The following MTFR1 variants were observed in gnomAD, a reference collection of about 807,000 sequenced individuals.
The protein encoded by MTFR1 is chondrocyte protein with a poly-proline region.
In MTFR1, 28 loss-of-function variants were observed where a neutral mutation model predicts 38.8. The ratio of observed to expected loss-of-function variants is 0.72; its 90% CI spans 0.53 to 0.99. MTFR1 has a LOEUF of 0.99. MTFR1 is among the 50% of genes least tolerant of loss of function. The pLI, the probability that MTFR1 is intolerant of heterozygous loss-of-function variation, is 0.00. For missense variants in MTFR1, 358 were observed against 395.5 expected, an observed-to-expected ratio of 0.91 and a Z score of 0.81; for synonymous variants, 145 against 137.0, an observed-to-expected ratio of 1.06 and a Z score of -0.41.
downstream of MTFR1, among the ~76,000 whole-genome samples, chr8:65,713,338 G>A (rs1367627050): frequency 6.6e-6 from 1 of 151,930 alleles, no homozygotes; most frequent in Non-Finnish European, 1.5e-5. Flanking sequence ...CTACTCGGGA[G>A]GCTGAGACAG....
chr8:65,644,630 G>A (rs16932286), upstream of MTFR1: 24,363 of 152,236 alleles, frequency 0.16, 2,016 homozygotes, highest in Middle Eastern at 0.18. Flanking sequence ...CCTCTGCCGA[G>A]CTTCTTGTGC....
At chr8:65,730,480 A>G (rs1371516237) in intron 3 of MTFR1, among the ~76,000 whole-genome samples, 1 of 151,878 alleles carries the variant, frequency 6.6e-6, no homozygotes, top group Non-Finnish European at 1.5e-5. Context: ...AAGCCCAGCC[A>G]GCACACTTCT....
intron 4 of MTFR1, 63 bp from the exon 5 acceptor site, chr8:65,704,631 G>A: frequency 1.5e-6 from 2 of 1,335,194 alleles, no homozygotes; most frequent in African/African-American, 1.4e-5. Context: ...ACTGTCAGGT[G>A]AGGATGGTGT....
chr8:65,645,606 GC>G, intron 1 of MTFR1, among the ~76,000 whole-genome samples: 1 of 148,988 alleles, frequency 6.7e-6, no homozygotes, highest in African/African-American at 2.5e-5. Flanking sequence ...ACCCACTGCA[GC>G]CTCCACCTCC....
chr8:65,727,553 T>C, intron 3 of MTFR1: 2 of 335,348 alleles, frequency 6.0e-6, no homozygotes, highest in Admixed American at 4.7e-5. Flanking sequence ...CCTTAGGCCA[T>C]TTCATTTTTA....
rs570437582 is a variant in MTFR1, at chr8:65,752,985, T to A, written c.*49-17962T>A. Among the ~76,000 whole-genome samples, 10 of 152,360 alleles carry A rather than the reference T, an allele frequency of 6.6e-5. 1 individual carries two copies. The highest frequency in any genetic ancestry group is 2.4e-4 in the African/African-American group (10 of 41,592). On this transcript the variant is annotated intron_variant, in intron 3 of 3. Coordinates refer to the MTFR1 transcript ENST00000521247. Reference sequence around the variant, plus strand: ...TATTTTCTGATTCTGAATGTACATGTCTAATGCAACTGAACTCCTTTTGTT... The same window carrying A: ...TATTTTCTGATTCTGAATGTACATGACTAATGCAACTGAACTCCTTTTGTT...
At chr8:65,715,717 G>T (rs1359799999) in intron 2 of MTFR1, among the ~76,000 whole-genome samples, 1 of 145,664 alleles carries the variant, frequency 6.9e-6, no homozygotes, top group East Asian at 2.3e-4. Flanking sequence ...CGGGCACGGT[G>T]GCTCACGCCT....
At chr8:65,758,906 G>A (rs746137931) in intron 3 of MTFR1, among the ~76,000 whole-genome samples, 4 of 152,098 alleles carry the variant, frequency 2.6e-5, no homozygotes, top group Non-Finnish European at 5.9e-5. Flanking sequence ...TATGTTCAGG[G>A]CGTTCCTACC....
At chr8:65,722,657 C>A (rs746046965) in intron 3 of MTFR1, 1 of 152,300 alleles carries the variant, frequency 6.6e-6, no homozygotes, top group Non-Finnish European at 1.5e-5. Flanking sequence ...TTCCTGTGAA[C>A]TCCTGCAACA....
intron 3 of MTFR1, among the ~76,000 whole-genome samples, chr8:65,749,116 C>T (rs912352850): frequency 1.3e-5 from 2 of 152,150 alleles, no homozygotes; most frequent in Non-Finnish European, 2.9e-5. Flanking sequence ...GCGGGAAGCA[C>T]CCGCTCTGGC....
chr8:65,713,017 G>C (rs1805995132), downstream of MTFR1, among the ~76,000 whole-genome samples: 1 of 152,210 alleles, frequency 6.6e-6, no homozygotes, highest in Non-Finnish European at 1.5e-5. Context: ...ACAGCTTAAA[G>C]ATAGGTGTTG....
chr8:65,668,442 C>T (rs1804458371), intron 1 of MTFR1, among the ~76,000 whole-genome samples: 1 of 151,134 alleles, frequency 6.6e-6, no homozygotes, highest in Admixed American at 6.6e-5. Flanking sequence ...CCCGCCTCAG[C>T]CCCCCAAAAT....
chr8:65,675,377 C>T (rs868687071), intron 2 of MTFR1, among the ~76,000 whole-genome samples: 15 of 152,120 alleles, frequency 9.9e-5, no homozygotes, highest in Admixed American at 9.8e-4. Flanking sequence ...GGGTGGATCA[C>T]GAGGTCAGGA....
chr8:65,759,474 C>A (rs1370142297), intron 3 of MTFR1, among the ~76,000 whole-genome samples: 1 of 152,220 alleles, frequency 6.6e-6, no homozygotes, highest in African/African-American at 2.4e-5. Flanking sequence ...CCACAGGCCA[C>A]AGGGCTGAGG....
chr8:65,760,490 C>A (rs908641080), intron 3 of MTFR1, among the ~76,000 whole-genome samples: 1 of 152,162 alleles, frequency 6.6e-6, no homozygotes, highest in Non-Finnish European at 1.5e-5. Context: ...AATAGGAGTG[C>A]ACTTCAATAG....
chr8:65,673,239 G>A (rs895874695), intron 2 of MTFR1, among the ~76,000 whole-genome samples: 8 of 152,150 alleles, frequency 5.3e-5, no homozygotes, highest in African/African-American at 1.7e-4. Context: ...TGAGATTGCG[G>A]AATAGCTGGT....
intron 3 of MTFR1, among the ~76,000 whole-genome samples, chr8:65,684,287 A>G (rs1248431318): frequency 2.0e-5 from 3 of 152,236 alleles, no homozygotes; most frequent in Admixed American, 6.5e-5. Context: ...CATAAGGAGA[A>G]GAGTAAGGTA....
intron 3 of MTFR1, among the ~76,000 whole-genome samples, chr8:65,752,826 C>T (rs1325147545): frequency 6.6e-6 from 1 of 152,078 alleles, no homozygotes; most frequent in African/African-American, 2.4e-5. Flanking sequence ...ACTTTCTCTC[C>T]AATTCTTTTT....
At chr8:65,683,758 C>G (rs1585774988) in intron 3 of MTFR1, among the ~76,000 whole-genome samples, 1 of 152,040 alleles carries the variant, frequency 6.6e-6, no homozygotes, top group East Asian at 1.9e-4. Flanking sequence ...CCTGTGATCT[C>G]AGGTGATCTG....
Sources: gnomAD v4.1 joint callset for allele counts (sites outside exome capture counted in the v4.1 genomes callset) on GRCh38, gnomAD v4.1.1 for gene constraint, MANE v1.5 for transcripts, NCBI Gene and HGNC (gene_info 2026-07-23, HGNC 2026-07-21) for gene names.